Variants in SFR1 observed in about 807,000 individuals in gnomAD.
SFR1 encodes swi5-dependent recombination DNA repair protein 1 homolog.
SFR1 carries 24 observed loss-of-function variants against 26.2 expected under a neutral mutation model. The observed-to-expected ratio is 0.92, with a 90% CI of 0.66 to 1.29. The LOEUF is 1.29. Ranked by LOEUF, SFR1 falls within the 50% of genes most tolerant of loss-of-function variation. The pLI is 0.00. For missense variants in SFR1, 276 were observed against 270.2 expected (o/e 1.02, Z -0.15); for synonymous variants, 77 against 96.6 (o/e 0.80, Z 1.19).
Position 104,123,791 on chromosome 10 carries a change from T to C in SFR1, c.213T>C (p.Arg71=), listed in dbSNP as rs751900504. The change falls in exon 3 of 4, where the codon CGT becomes CGC. Residue 71 remains arginine, a synonymous_variant. Coordinates refer to ENST00000369727, the MANE Select transcript of SFR1 (RefSeq NM_001002759.2). ...ATTCCTCTTACAATGTGGTGAAACG[T>C]CTTAAAGTAGAGAGTGAAGAAAATG... ...SFNSSYNVVK[R]LKVESEENDQ... The C allele has an allele frequency of 1.2e-6, 2 of 1,612,650 alleles. No individual in the cohort carries two copies. Among genetic ancestry groups the C allele is most frequent in the South Asian group, 1.1e-5 (1 of 90,810 alleles).
rs1387286334 is a variant in SFR1, at chr10:104,123,958, C to T, written c.380C>T (p.Ser127Phe). The change falls in exon 3 of 4, where the codon TCT becomes TTT. Residue 127 changes from serine (S) to phenylalanine (F), a missense_variant. Transcript: ENST00000369727. ...TTGAAGAATCTCAATGTCTGTGAATCTCAGTCACTTGATTCTGGATCATGC... is the reference window on the plus strand; with the variant it reads ...TTGAAGAATCTCAATGTCTGTGAATTTCAGTCACTTGATTCTGGATCATGC... ...NTLKNLNVCE[S>F]QSLDSGSCSA... The T allele has an allele frequency of 6.2e-7, 1 of 1,613,884 alleles. No homozygotes were observed. The highest frequency in any genetic ancestry group is 2.2e-5 in the East Asian group (1 of 44,832).
chr10:104,122,859 G>A, intron 1 of SFR1, 106 bp from the exon 2 acceptor site: 1 of 1,555,230 alleles, frequency 6.4e-7, no homozygotes, highest in Non-Finnish European at 8.7e-7. Context: ...AGAAATATCT[G>A]GCTTACTTGT....
Position 104,125,766 on chromosome 10 carries a change from A to AAT in SFR1, c.*62_*63insAT. On this transcript the variant is annotated 3_prime_UTR_variant, in exon 4 of 4. Coordinates refer to ENST00000369727, the MANE Select transcript of SFR1 (RefSeq NM_001002759.2). ...CAACTTAATTAAAAGATACTTAGGC[A>AAT]CTTTTTTTTTTTTTTTGAGACTGAG... 9.1e-7 allele frequency: 1 copy of AAT among 1,097,046 alleles called. No homozygotes were observed. Among genetic ancestry groups the AAT allele is most frequent in the Non-Finnish European group, 1.3e-6 (1 of 796,352 alleles). The allele number at this position is 1,097,046 out of a possible 1,614,324, so 68.0% of individuals were successfully genotyped here.
chr10:104,125,247 A>T (rs1208125357), intron 3 of SFR1, among the ~76,000 whole-genome samples: 1 of 152,138 alleles, frequency 6.6e-6, no homozygotes, highest in East Asian at 1.9e-4. Flanking sequence ...GCTTCTTGAC[A>T]TAGTTTTGGC....
chr10:104,125,767 CTTTTT>C lies in SFR1; in HGVS notation c.*74_*78del. ...AACTTAATTAAAAGATACTTAGGCA[CTTTTT>C]TTTTTTTTTTGAGACTGAGTTTCGC... On this transcript the variant is annotated 3_prime_UTR_variant, in exon 4 of 4. Coordinates refer to ENST00000369727, the MANE Select transcript of SFR1 (RefSeq NM_001002759.2). 2 of 857,864 alleles carry C rather than the reference CTTTTT, an allele frequency of 2.3e-6. No homozygotes were observed. Among genetic ancestry groups the C allele is most frequent in the African/African-American group, 1.8e-5 (1 of 54,482 alleles). 53.1% of individuals were successfully genotyped at this position (857,864 alleles called of 1,614,324 possible).
chr10:104,122,531 G>A (rs2086976335), intron 1 of SFR1: 1 of 985,408 alleles, frequency 1.0e-6, no homozygotes, highest in Non-Finnish European at 1.2e-6. Flanking sequence ...CAGGGTAACG[G>A]GTTCTAGTCA....
In SFR1 at chr10:104,122,231, C is replaced by G. The variant is rs1251966325; in HGVS notation, c.13+35C>G. 70 of 1,522,128 alleles carry G rather than the reference C, an allele frequency of 4.6e-5. No individual in the cohort carries two copies. The East Asian group carries it at 1.8e-3, about 39-fold the overall frequency. 94.3% of individuals were successfully genotyped at this position (1,522,128 alleles called of 1,614,324 possible). A position where few individuals can be genotyped will look rare whatever the true frequency, so the allele number is the denominator to read the frequency against. ...TGAGGGGAAGGGGGGATCCCTGACA[C>G]CTGGGCTTCCCCGGGAGTCGGCTGT... is the stretch of plus-strand genomic sequence containing the variant. On this transcript the variant is annotated intron_variant, in intron 1 of 3. Coordinates refer to ENST00000369727, the MANE Select transcript of SFR1 (RefSeq NM_001002759.2).
At position 104,125,764 on chromosome 10, in the gene SFR1, G is replaced by A. The variant is rs563128711; in HGVS notation, c.*60G>A. On this transcript the variant is annotated 3_prime_UTR_variant, in exon 4 of 4. Transcript: ENST00000369727. ...GACAACTTAATTAAAAGATACTTAG[G>A]CACTTTTTTTTTTTTTTTGAGACTG... 1.2e-5 allele frequency: 14 copies of A among 1,211,276 alleles called. No individual in the cohort carries two copies. Among genetic ancestry groups the A allele is most frequent in the Admixed American group, 4.9e-5 (2 of 40,600 alleles). The allele number at this position is 1,211,276 out of a possible 1,614,324, so 75.0% of individuals were successfully genotyped here. A position where few individuals can be genotyped will look rare whatever the true frequency, so the allele number is the denominator to read the frequency against.
At chr10:104,122,920 G>A in intron 1 of SFR1, 45 bp from the exon 2 acceptor site, 3 of 1,603,700 alleles carry the variant, frequency 1.9e-6, no homozygotes, top group Non-Finnish European at 1.7e-6. Context: ...GTCGACTATA[G>A]AGAGGTGTGG....
chr10:104,122,227 G>T, intron 1 of SFR1, 31 bp downstream of exon 1: 1 of 1,529,694 alleles, frequency 6.5e-7, no homozygotes, highest in Non-Finnish European at 8.8e-7. Flanking sequence ...GGGGATCCCT[G>T]ACACCTGGGC....
intron 3 of SFR1, 54 bp downstream of exon 3, chr10:104,124,178 G>A: frequency 7.2e-7 from 1 of 1,387,554 alleles, no homozygotes; most frequent in Non-Finnish European, 9.5e-7. Flanking sequence ...TAAATTACAG[G>A]AAAGTAATTT....
upstream of SFR1, among the ~76,000 whole-genome samples, chr10:104,120,797 A>G (rs2086953200): frequency 6.6e-6 from 1 of 152,166 alleles, no homozygotes; most frequent in Non-Finnish European, 1.5e-5. Flanking sequence ...TGTAACGTGT[A>G]CGCCCCTAAT....
At chr10:104,125,424 A>T in intron 3 of SFR1, 89 bp from the exon 4 acceptor site, 2 of 1,021,620 alleles carry the variant, frequency 2.0e-6, no homozygotes, top group Non-Finnish European at 2.9e-6. Context: ...GTTAGCCTTT[A>T]AACCTGCACA....
At chr10:104,122,345 A>C (rs2086973291) in intron 1 of SFR1, 149 bp downstream of exon 1, 2 of 1,393,204 alleles carry the variant, frequency 1.4e-6, no homozygotes. Flanking sequence ...GCTTTCTGCA[A>C]CGGGGGGAAG....
intron 2 of SFR1, 74 bp downstream of exon 2, chr10:104,123,160 T>C: frequency 8.5e-7 from 1 of 1,173,344 alleles, no homozygotes; most frequent in South Asian, 1.6e-5. Flanking sequence ...GTTTAAATTC[T>C]ACGGAAGGTT....
upstream of SFR1, chr10:104,122,019 G>A: frequency 1.4e-6 from 1 of 725,648 alleles, no homozygotes. Context: ...CGCTGGCGGA[G>A]GCGCGCGCGC....
intron 1 of SFR1, 33 bp from the exon 2 acceptor site, chr10:104,122,932 T>G (rs778193805): frequency 1.2e-6 from 2 of 1,607,066 alleles, no homozygotes; most frequent in African/African-American, 2.7e-5. Context: ...GAGGTGTGGT[T>G]AATTCGATTA....
At position 104,122,967 on chromosome 10, in the gene SFR1, A is replaced by G. The variant is rs2086983033; in HGVS notation, c.16A>G (p.Lys6Glu). 2 of 1,613,124 alleles carry G rather than the reference A, an allele frequency of 1.2e-6. No individual in the cohort carries two copies. The highest frequency in any genetic ancestry group is 2.7e-5 in the African/African-American group (2 of 75,012). The part of the protein sequence containing the change: MAEGE[K>E]NQDFTFKMES... ...ATTTTATAATTTTTCTTTTTTAGAG[A>G]AAAACCAAGATTTCACTTTCAAGAT... is the stretch of plus-strand genomic sequence containing the variant. The change falls in exon 2 of 4, where the codon AAA becomes GAA. Residue 6 changes from lysine (K) to glutamate (E), a missense_variant and splice_region_variant. Transcript: ENST00000369727.
upstream of SFR1, chr10:104,122,151 G>T: frequency 6.5e-7 from 1 of 1,547,042 alleles, no homozygotes; most frequent in Non-Finnish European, 8.7e-7. Flanking sequence ...ATTTACGGCC[G>T]CAGGTGCGCG....
Sources: gnomAD v4.1 joint callset for allele counts (sites outside exome capture counted in the v4.1 genomes callset) on GRCh38, gnomAD v4.1.1 for gene constraint, MANE v1.5 for transcripts, NCBI Gene and HGNC (gene_info 2026-07-23, HGNC 2026-07-21) for gene names.